The following ADGRG2 variants were observed in gnomAD, a reference collection of about 807,000 sequenced individuals.
ADGRG2 encodes adhesion G protein-coupled receptor G2, also known as G protein-coupled receptor 64.
ADGRG2 carries 26 observed loss-of-function variants against 74.1 expected under a neutral mutation model. That is an observed-to-expected ratio of 0.35 (90% CI 0.26 to 0.49). The LOEUF is 0.49. Among genes scored for constraint, ADGRG2 ranks in the 20% least tolerant of loss-of-function variants. The pLI is 0.99. For missense variants in ADGRG2, 619 were observed against 763.1 expected (o/e 0.81, Z 2.22); for synonymous variants, 296 against 295.2 (o/e 1.00, Z -0.03).
At chrX:19,103,140 T>G (rs2062217615) in intron 1 of ADGRG2, among the ~76,000 whole-genome samples, 1 of 111,108 alleles carries the variant, frequency 9.0e-6, no homozygotes, top group Admixed American at 9.6e-5. Flanking sequence ...CAGGATGCGG[T>G]AAAGAGGCCA....
At chrX:19,014,969 C>A (rs890247063) in intron 15 of ADGRG2, among the ~76,000 whole-genome samples, 2 of 111,582 alleles carry the variant, frequency 1.8e-5, no homozygotes, top group Non-Finnish European at 3.8e-5. Context: ...ATATAGATTT[C>A]TATGGCCCAC....
chrX:19,073,890 G>A (rs922483136), intron 2 of ADGRG2, among the ~76,000 whole-genome samples: 1 of 111,621 alleles, frequency 9.0e-6, no homozygotes, highest in African/African-American at 3.3e-5. Flanking sequence ...ACATTTATAC[G>A]GAGTCATATA....
intron 8 of ADGRG2, chrX:19,032,314 T>A (rs1231299470): frequency 2.7e-5 from 3 of 111,610 alleles, no homozygotes; most frequent in Admixed American, 1.9e-4. Context: ...AAGAGAAATA[T>A]TTCATTTCTT....
At chrX:19,091,901 G>A (rs1031613830) in intron 1 of ADGRG2, among the ~76,000 whole-genome samples, 1 of 112,726 alleles carries the variant, frequency 8.9e-6, no homozygotes, top group Non-Finnish European at 1.9e-5. Context: ...TGAAGATGGT[G>A]GTGGTGGTGA....
intron 15 of ADGRG2, among the ~76,000 whole-genome samples, chrX:19,015,848 A>G (rs1423460536): frequency 8.9e-6 from 1 of 112,383 alleles, no homozygotes; most frequent in Non-Finnish European, 1.9e-5. Flanking sequence ...CCACCTGGCC[A>G]AGTTGGGGTA....
At chrX:19,113,978 A>G in intron 1 of ADGRG2, among the ~76,000 whole-genome samples, 1 of 107,008 alleles carries the variant, frequency 9.3e-6, no homozygotes, top group Non-Finnish European at 1.9e-5. Context: ...AGGCTGAGGC[A>G]GGAGAATCAC....
Position 19,023,380 on chromosome X carries a change from G to T in ADGRG2, c.548+36C>A, listed in dbSNP as rs766662148. 3 of 890,798 alleles carry T rather than the reference G, an allele frequency of 3.4e-6. No individual in the cohort carries two copies. The South Asian group carries it at 7.1e-5, about 21-fold the overall frequency. 73.4% of individuals were successfully genotyped at this position (890,798 alleles called of 1,213,427 possible). A position where few individuals can be genotyped will look rare whatever the true frequency, so the allele number is the denominator to read the frequency against. Reference sequence around the variant, plus strand: ...TAATACTTTATTTCTCATAAATGGAGAAATTATATTTATGAAAGTATTAAA... The same window carrying T: ...TAATACTTTATTTCTCATAAATGGATAAATTATATTTATGAAAGTATTAAA... On this transcript the variant is annotated intron_variant, in intron 13 of 28. Coordinates refer to ENST00000379869, the MANE Select transcript of ADGRG2 (RefSeq NM_001079858.3).
intron 1 of ADGRG2, among the ~76,000 whole-genome samples, chrX:19,105,948 AAAG>A (rs1245525827): frequency 6.6e-5 from 7 of 106,521 alleles, no homozygotes; most frequent in East Asian, 2.9e-4. Context: ...AAAAAAAAAA[AAAG>A]AAGAAGAAGA....
chrX:19,024,136 A>T (rs1342054710), intron 11 of ADGRG2, among the ~76,000 whole-genome samples, 188 bp from the exon 12 acceptor site: 2 of 112,175 alleles, frequency 1.8e-5, no homozygotes, highest in African/African-American at 3.2e-5. Context: ...ATGACAAGGG[A>T]AACCAACCAG....
At chrX:19,062,842 G>A (rs1369189121) in intron 3 of ADGRG2, among the ~76,000 whole-genome samples, 1 of 110,312 alleles carries the variant, frequency 9.1e-6, no homozygotes, top group African/African-American at 3.3e-5. Flanking sequence ...AGAAAGTTGG[G>A]GATTGTAGCT....
intron 1 of ADGRG2, among the ~76,000 whole-genome samples, chrX:19,101,367 C>T (rs1032650445): frequency 1.8e-5 from 2 of 111,441 alleles, no homozygotes; most frequent in Non-Finnish European, 3.8e-5. Context: ...TTCTCTCTTG[C>T]TTAAGGACAT....
At chrX:19,043,313 TTA>T (rs1301798116) in intron 3 of ADGRG2, among the ~76,000 whole-genome samples, 1 of 111,437 alleles carries the variant, frequency 9.0e-6, no homozygotes, top group Non-Finnish European at 1.9e-5. Flanking sequence ...GAGGATCAGC[TTA>T]TGTTTCTCTT....
At chrX:19,115,218 A>T (rs2062489873) in intron 1 of ADGRG2, among the ~76,000 whole-genome samples, 1 of 111,196 alleles carries the variant, frequency 9.0e-6, no homozygotes, top group African/African-American at 3.3e-5. Context: ...TTTTATCTAT[A>T]TTCTAGGCTC....
At chrX:19,040,093 C>A in intron 4 of ADGRG2, 96 bp downstream of exon 4, 1 of 612,445 alleles carries the variant, frequency 1.6e-6, no homozygotes, top group Non-Finnish European at 2.7e-6. Flanking sequence ...TGGAGGAAAA[C>A]AATTTTGTTG....
At chrX:19,117,057 C>G (rs919776772) in intron 1 of ADGRG2, among the ~76,000 whole-genome samples, 2 of 111,105 alleles carry the variant, frequency 1.8e-5, no homozygotes, top group African/African-American at 6.6e-5. Context: ...TTTGGGAGAC[C>G]GAGGCGGGTG....
At chrX:19,082,995 GTGTTT>G (rs766490497) in intron 1 of ADGRG2, among the ~76,000 whole-genome samples, 5 of 110,087 alleles carry the variant, frequency 4.5e-5, no homozygotes, top group East Asian at 2.9e-4. Context: ...TCTTGTTAAT[GTGTTT>G]TGTTTTGTTT....
intron 8 of ADGRG2, chrX:19,032,617 C>T (rs2060849569): frequency 8.9e-6 from 1 of 111,776 alleles, no homozygotes; most frequent in African/African-American, 3.3e-5. Context: ...TACATGGCCA[C>T]AGGTCATTCC....
chrX:19,024,441 C>T (rs2060658525), intron 11 of ADGRG2, among the ~76,000 whole-genome samples: 1 of 111,984 alleles, frequency 8.9e-6, no homozygotes, highest in African/African-American at 3.2e-5. Flanking sequence ...TTCCTCTCCT[C>T]CAATCCCACT....
chrX:19,068,779 A>G lies in ADGRG2; in HGVS notation c.56T>C (p.Leu19Pro), dbSNP rs189104619. Reference protein sequence around the residue: ...GHVGRTEEVLLTFKIFLVIIC... With the variant: ...GHVGRTEEVLPTFKIFLVIIC... ...GATGACAAGGAATATCTTGAACGTC[A>G]GTAAAACTTCTTCAGTTCTGCCAAC... The change falls in exon 3 of 29, where the codon CTG (leucine) becomes CCG (proline). Residue 19 changes from leucine (L) to proline (P), a missense_variant. Leu to Pro is a moderately conservative substitution (Grantham distance 98, BLOSUM62 -3). Transcript: ENST00000379869. The G allele has an allele frequency of 3.0e-4, 353 of 1,170,190 alleles. 1 individual carries two copies. Among genetic ancestry groups the G allele is most frequent in the Non-Finnish European group, 3.0e-4 (257 of 862,309 alleles).
Sources: allele counts gnomAD v4.1 joint callset (sites outside exome capture counted in the v4.1 genomes callset), GRCh38; gene constraint gnomAD v4.1.1; transcripts MANE v1.5; gene names NCBI Gene and HGNC (gene_info 2026-07-23, HGNC 2026-07-21).